SNAPIN: variants seen among roughly 807,000 people sequenced by gnomAD.
SNAPIN encodes the protein SNAP associated protein.
SNAPIN carries 16 observed loss-of-function variants against 15.9 expected under a neutral mutation model. The observed-to-expected ratio is 1.01, with a 90% confidence interval of 0.68 to 1.53. SNAPIN has a LOEUF of 1.53. Among genes scored for constraint, SNAPIN ranks in the 40% most tolerant of loss-of-function variants. The probability of loss-of-function intolerance (pLI) is 0.00; values close to 1 mark genes in which losing one functional copy is unlikely to be tolerated. For synonymous variants in SNAPIN, 83 were observed against 76.2 expected, an observed-to-expected ratio of 1.09 and a Z score of -0.46; for missense variants, 186 against 180.1, an observed-to-expected ratio of 1.03 and a Z score of -0.19.
At chr1:153,661,060 A>G (rs1669143329) in intron 3 of SNAPIN, 140 bp from the exon 4 acceptor site, 2 of 587,106 alleles carry the variant, frequency 3.4e-6, no homozygotes, top group South Asian at 3.6e-5. Flanking sequence ...GTGAGCCACC[A>G]TGCCCGGCCT....
intron 2 of SNAPIN, 108 bp from the exon 3 acceptor site, chr1:153,659,340 C>T: frequency 8.2e-7 from 1 of 1,223,746 alleles, no homozygotes; most frequent in South Asian, 1.2e-5. Flanking sequence ...TCTCTAATGG[C>T]TGTGGCCCGT....
upstream of SNAPIN, chr1:153,658,680 G>A: frequency 2.0e-6 from 3 of 1,468,380 alleles, no homozygotes; most frequent in Non-Finnish European, 2.7e-6. Context: ...GGGCGGGGCA[G>A]TGCGGCGCGG....
In SNAPIN at chr1:153,661,204, G is replaced by A. The variant is rs1236450954; in HGVS notation, c.314G>A (p.Arg105Gln). 5 of 1,613,264 alleles carry A rather than the reference G, an allele frequency of 3.1e-6. No homozygotes were observed. The highest frequency in any genetic ancestry group is 3.4e-6 in the Non-Finnish European group (4 of 1,179,464). Residue 105 changes from arginine (R) to glutamine (Q), a missense_variant, in exon 4 of 4, where the codon CGA (arginine) becomes CAA (glutamine). Coordinates refer to ENST00000368685, the MANE Select transcript of SNAPIN (RefSeq NM_012437.6). The stretch of plus-strand genomic sequence containing the variant: ...CAAACCTTCCTTGTCTTGTAGGAAC[G>A]ACTGAGACGGCTAAACCACAGTGTT... ...VNNILQNAQE[R>Q]LRRLNHSVAK...
chr1:153,661,367 C>G lies in SNAPIN; in HGVS notation c.*66C>G. The G allele has an allele frequency of 1.6e-6, 2 of 1,235,934 alleles. No homozygotes were observed. The highest frequency in any genetic ancestry group is 1.2e-5 in the South Asian group (1 of 81,330). 76.6% of individuals were successfully genotyped at this position (1,235,934 alleles called of 1,614,324 possible). On this transcript the variant is annotated 3_prime_UTR_variant, in exon 4 of 4. Coordinates refer to ENST00000368685, the MANE Select transcript of SNAPIN (RefSeq NM_012437.6). ...CAGCTGCCTTGTTTCAACAGACATGCAAAGATCCTAGGAGACAGTCCCCAT... is the reference window on the plus strand; with the variant it reads ...CAGCTGCCTTGTTTCAACAGACATGGAAAGATCCTAGGAGACAGTCCCCAT...
Position 153,658,895 on chromosome 1 carries a change from G to C in SNAPIN, c.143+9G>C, listed in dbSNP as rs763430115. On this transcript the variant is annotated intron_variant, in intron 1 of 3. Transcript: ENST00000368685. ...CACGTACACGCCGTCAGGTGCCCGG[G>C]AGGGAAGTTGGGGGCGGGGCCTGTC... The C allele has an allele frequency of 6.2e-6, 10 of 1,609,642 alleles. No individual in the cohort carries two copies. The highest frequency in any genetic ancestry group is 1.3e-5 in the African/African-American group (1 of 74,590).
intron 1 of SNAPIN, 69 bp downstream of exon 1, chr1:153,658,955 T>C (rs1374881769): frequency 5.0e-6 from 8 of 1,599,062 alleles, no homozygotes; most frequent in African/African-American, 1.4e-5. Flanking sequence ...CAAGAAAGTG[T>C]TCTGGCTGGG....
In SNAPIN at chr1:153,658,722, T is replaced by C. The variant is rs58021050; in HGVS notation, c.-22T>C. On this transcript the variant is annotated 5_prime_UTR_variant, in exon 1 of 4. Coordinates refer to ENST00000368685, the MANE Select transcript of SNAPIN (RefSeq NM_012437.6). ...TTCCCGGCGGCCCTCGCGGCAGGTT[T>C]CGGGCTTCAGGACAATTCGTGATGG... The C allele has an allele frequency of 5.0e-3, 7,616 of 1,513,238 alleles. 337 individuals are homozygous for C. The African/African-American group carries it at 0.098, about 19-fold the overall frequency. 93.7% of individuals were successfully genotyped at this position (1,513,238 alleles called of 1,614,324 possible).
intron 1 of SNAPIN, 102 bp downstream of exon 1, chr1:153,658,988 T>C: frequency 1.9e-6 from 3 of 1,583,078 alleles, no homozygotes; most frequent in South Asian, 1.1e-5. Flanking sequence ...TTTAGGAAAC[T>C]GATTCGAGGC....
chr1:153,661,100 C>T (rs905495487), intron 3 of SNAPIN, 100 bp from the exon 4 acceptor site: 1 of 895,584 alleles, frequency 1.1e-6, no homozygotes, highest in African/African-American at 1.6e-5. Flanking sequence ...TGAAGACTGA[C>T]TTTGAGGTAG....
In SNAPIN at chr1:153,661,566, T is replaced by C; in HGVS notation, c.*265T>C. 3.6e-6 allele frequency: 1 copy of C among 277,982 alleles called. No homozygotes were observed. Among genetic ancestry groups the C allele is most frequent in the South Asian group, 4.9e-5 (1 of 20,258 alleles). The allele number at this position is 277,982 out of a possible 1,614,324, so 17.2% of individuals were successfully genotyped here. ...AAATGAGCTGAGGCCTCTACTTTTT[T>C]TTTTAAGCTGCATACGTGAGGCTTA... On this transcript the variant is annotated 3_prime_UTR_variant, in exon 4 of 4. Transcript: ENST00000368685.
chr1:153,659,981 C>T (rs1238028284), intron 3 of SNAPIN, among the ~76,000 whole-genome samples: 1 of 151,616 alleles, frequency 6.6e-6, no homozygotes, highest in Non-Finnish European at 1.5e-5. Flanking sequence ...GTGAGCTTCC[C>T]ACCTTGGCCA....
At chr1:153,659,021 G>A in intron 1 of SNAPIN, 117 bp from the exon 2 acceptor site, 1 of 1,542,956 alleles carries the variant, frequency 6.5e-7, no homozygotes, top group Non-Finnish European at 8.9e-7. Context: ...CGGGAAGGCC[G>A]CAGGTGGAGG....
In SNAPIN at chr1:153,661,483, C is replaced by T. The variant is rs371397397; in HGVS notation, c.*182C>T. 1.2e-4 allele frequency: 54 copies of T among 445,696 alleles called. No homozygotes were observed. Among genetic ancestry groups the T allele is most frequent in the African/African-American group, 9.4e-4 (48 of 51,224 alleles). 27.6% of individuals were successfully genotyped at this position (445,696 alleles called of 1,614,324 possible). A position where few individuals can be genotyped will look rare whatever the true frequency, so the allele number is the denominator to read the frequency against. ...GTAGGGGCCCCAGGAAACCTACACACAGCCAGAATGAGGTTCCCAAAGGAC... is the reference window on the plus strand; with the variant it reads ...GTAGGGGCCCCAGGAAACCTACACATAGCCAGAATGAGGTTCCCAAAGGAC... On this transcript the variant is annotated 3_prime_UTR_variant, in exon 4 of 4. Coordinates refer to ENST00000368685, the MANE Select transcript of SNAPIN (RefSeq NM_012437.6).
intron 3 of SNAPIN, 67 bp downstream of exon 3, chr1:153,659,633 CA>C: frequency 9.2e-7 from 1 of 1,088,266 alleles, no homozygotes; most frequent in East Asian, 2.4e-5. Context: ...CAGTGAAAGC[CA>C]CTGTAATTTT....
At position 153,661,119 on chromosome 1, in the gene SNAPIN, C is replaced by T. The variant is rs1356528318; in HGVS notation, c.310-81C>T. 1.9e-5 allele frequency: 21 copies of T among 1,116,102 alleles called. No individual in the cohort carries two copies. In the Middle Eastern group the frequency reaches 7.9e-4, roughly 42 times the overall value. The allele number at this position is 1,116,102 out of a possible 1,614,324, so 69.1% of individuals were successfully genotyped here. A position where few individuals can be genotyped will look rare whatever the true frequency, so the allele number is the denominator to read the frequency against. Reference sequence around the variant, plus strand: ...GACTGACTTTGAGGTAGATCACGCCCGGTATTTTTCAGCACCTAGTTCACT... The same window carrying T: ...GACTGACTTTGAGGTAGATCACGCCTGGTATTTTTCAGCACCTAGTTCACT... On this transcript the variant is annotated intron_variant, in intron 3 of 3. Transcript: ENST00000368685.
At chr1:153,659,369 C>A in intron 2 of SNAPIN, 79 bp from the exon 3 acceptor site, 1 of 1,329,446 alleles carries the variant, frequency 7.5e-7, no homozygotes, top group South Asian at 1.2e-5. Context: ...AAGTGTTTTC[C>A]ATCCCATTAC....
chr1:153,659,707 C>A (rs938668614), intron 3 of SNAPIN, 141 bp downstream of exon 3: 13 of 657,754 alleles, frequency 2.0e-5, no homozygotes, highest in Non-Finnish European at 3.2e-5. Flanking sequence ...TAGGAAAATT[C>A]GTCTCATTCT....
rs16835489 is a variant in SNAPIN at position 153,661,327 on chromosome 1, A to G, written c.*26A>G. On this transcript the variant is annotated 3_prime_UTR_variant, in exon 4 of 4. Coordinates refer to ENST00000368685, the MANE Select transcript of SNAPIN (RefSeq NM_012437.6). ...CAGATGAGCCTATGGACTCAGTAGC[A>G]CAAGTACTGTTCCCCAGCTGCCTTG... 1.2e-5 allele frequency: 19 copies of G among 1,545,716 alleles called. No individual in the cohort carries two copies. The highest frequency in any genetic ancestry group is 1.7e-5 in the Admixed American group (1 of 59,604).
rs1669162590 is a variant in SNAPIN, at chr1:153,661,510, TACATTAATTATGGCTCTTGCTTCCTTTC to T, written c.*213_*240del. 2.6e-6 allele frequency: 1 copy of T among 389,070 alleles called. No individual in the cohort carries two copies. The highest frequency in any genetic ancestry group is 4.8e-6 in the Non-Finnish European group (1 of 208,168). 24.1% of individuals were successfully genotyped at this position (389,070 alleles called of 1,614,324 possible). ...GCCAGAATGAGGTTCCCAAAGGACT[TACATTAATTATGGCTCTTGCTTCCTTTC>T]ACAAATGAGCTGAGGCCTCTACTTT... On this transcript the variant is annotated 3_prime_UTR_variant, in exon 4 of 4. Coordinates refer to ENST00000368685, the MANE Select transcript of SNAPIN (RefSeq NM_012437.6).
Sources: gnomAD v4.1 joint callset for allele counts (sites outside exome capture counted in the v4.1 genomes callset) on GRCh38, gnomAD v4.1.1 for gene constraint, MANE v1.5 for transcripts, NCBI Gene and HGNC (gene_info 2026-07-23, HGNC 2026-07-21) for gene names.